ADAMTSL1: variants seen among roughly 807,000 people sequenced by gnomAD.
ADAMTSL1 encodes the protein ADAMTS like 1, also known as ADAMTS-like protein 1.
Under a neutral mutation model 201.8 loss-of-function variants are expected in ADAMTSL1, and 126 were observed. That is an observed-to-expected ratio of 0.62 (90% confidence interval 0.54 to 0.72). ADAMTSL1 has a LOEUF of 0.72. Among genes scored for constraint, ADAMTSL1 ranks in the 30% least tolerant of loss-of-function variants. The pLI, the probability that ADAMTSL1 is intolerant of heterozygous loss-of-function variation, is 0.00. For synonymous variants in ADAMTSL1, 1,121 were observed against 903.4 expected, an observed-to-expected ratio of 1.24 and a Z score of -4.32; for missense variants, 2,679 against 2,277.8, an observed-to-expected ratio of 1.18 and a Z score of -3.59.
At chr9:18,226,666 C>T (rs943589931) in intron 2 of ADAMTSL1, among the ~76,000 whole-genome samples, 5 of 152,080 alleles carry the variant, frequency 3.3e-5, no homozygotes, top group African/African-American at 1.2e-4. Context: ...GAGGCTCTCC[C>T]CATTCAGCCT....
chr9:18,552,592 C>G (rs1820854014), intron 3 of ADAMTSL1, among the ~76,000 whole-genome samples: 1 of 151,514 alleles, frequency 6.6e-6, no homozygotes, highest in Non-Finnish European at 1.5e-5. Context: ...TGTCCTAGTT[C>G]TTTAATAATT....
intron 1 of ADAMTSL1, among the ~76,000 whole-genome samples, chr9:17,999,605 C>CT (rs71492929): frequency 0.31 from 45,952 of 147,338 alleles, 7,180 homozygotes; most frequent in South Asian, 0.4. Context: ...TTTTCAGACA[C>CT]TTTTTTTTTT....
chr9:18,790,614 T>C (rs1312574785), intron 19 of ADAMTSL1, among the ~76,000 whole-genome samples: 2 of 152,152 alleles, frequency 1.3e-5, no homozygotes, highest in Non-Finnish European at 2.9e-5. Flanking sequence ...GTCCATATCT[T>C]ATTCTCATGC....
At chr9:18,268,862 T>C (rs1036603976) in intron 2 of ADAMTSL1, among the ~76,000 whole-genome samples, 21 of 152,148 alleles carry the variant, frequency 1.4e-4, no homozygotes, top group African/African-American at 4.8e-4. Context: ...GAGTTCTTTT[T>C]CTCCTGTTGT....
chr9:18,044,004 A>T (rs1375413305), intron 1 of ADAMTSL1, among the ~76,000 whole-genome samples: 1 of 147,188 alleles, frequency 6.8e-6, no homozygotes, highest in East Asian at 2.0e-4. Context: ...CTAGTATGTT[A>T]CTTTCTATCA....
At chr9:18,791,748 C>T (rs1207453984) in intron 19 of ADAMTSL1, among the ~76,000 whole-genome samples, 6 of 152,036 alleles carry the variant, frequency 3.9e-5, no homozygotes, top group Non-Finnish European at 8.8e-5. Context: ...GTTTCTCTAT[C>T]TATGTATATA....
intron 1 of ADAMTSL1, among the ~76,000 whole-genome samples, chr9:17,979,485 A>AGAGAG: frequency 6.6e-6 from 1 of 150,566 alleles, no homozygotes; most frequent in East Asian, 2.0e-4. Flanking sequence ...ATTACTCTCT[A>AGAGAG]TTGCATTGTT....
rs142105118 is a variant in ADAMTSL1, at chr9:18,360,732, G to A, written c.208-144097G>A. The A allele has an allele frequency of 2.6e-5, 4 of 152,162 alleles. No homozygotes were observed. The East Asian group carries it at 5.8e-4, about 22-fold the overall frequency. 9.4% of individuals were successfully genotyped at this position (152,162 alleles called of 1,614,324 possible). ...CACTGCACTTAATGAATATGTTTTTGAAATTTTAACATCTAACATGAAAAA... is the reference window on the plus strand; with the variant it reads ...CACTGCACTTAATGAATATGTTTTTAAAATTTTAACATCTAACATGAAAAA... On this transcript the variant is annotated intron_variant, in intron 2 of 29. Coordinates refer to the ADAMTSL1 transcript ENST00000680146.
intron 2 of ADAMTSL1, among the ~76,000 whole-genome samples, chr9:18,400,308 G>C (rs1261095791): frequency 1.3e-5 from 2 of 152,090 alleles, no homozygotes; most frequent in African/African-American, 4.8e-5. Flanking sequence ...TTCTTGGCAA[G>C]CATAGAAATA....
chr9:18,815,405 A>G (rs34859655), intron 20 of ADAMTSL1, among the ~76,000 whole-genome samples: 28,096 of 151,198 alleles, frequency 0.19, 3,264 homozygotes, highest in Non-Finnish European at 0.25. Flanking sequence ...AAGAATGAGG[A>G]CAGGCGTGGT....
At chr9:18,454,870 A>T (rs1173689449) in intron 2 of ADAMTSL1, among the ~76,000 whole-genome samples, 2 of 152,212 alleles carry the variant, frequency 1.3e-5, no homozygotes, top group Admixed American at 1.3e-4. Flanking sequence ...TTTATTTCAA[A>T]GGTACAAGTG....
chr9:18,588,185 A>G (rs1189269806), intron 4 of ADAMTSL1, among the ~76,000 whole-genome samples: 4 of 152,168 alleles, frequency 2.6e-5, no homozygotes, highest in African/African-American at 7.2e-5. Context: ...ATGATACATT[A>G]TTGTGGTTTT....
intron 15 of ADAMTSL1, among the ~76,000 whole-genome samples, chr9:18,727,174 T>A (rs1466086304): frequency 6.6e-6 from 1 of 152,236 alleles, no homozygotes; most frequent in African/African-American, 2.4e-5. Context: ...TTTAACACAA[T>A]CATATTTTAA....
intron 2 of ADAMTSL1, among the ~76,000 whole-genome samples, chr9:18,391,487 C>A (rs1838042475): frequency 1.3e-5 from 2 of 151,958 alleles, no homozygotes; most frequent in African/African-American, 4.8e-5. Context: ...GCTCTGTCAC[C>A]CAGGCTGGAG....
At chr9:18,695,661 G>A (rs1415362725) in intron 13 of ADAMTSL1, among the ~76,000 whole-genome samples, 2 of 152,122 alleles carry the variant, frequency 1.3e-5, no homozygotes, top group Non-Finnish European at 2.9e-5. Context: ...CTAGCATTTT[G>A]ATTACAACAA....
chr9:18,279,718 AT>A (rs960978338), intron 2 of ADAMTSL1, among the ~76,000 whole-genome samples: 6 of 152,038 alleles, frequency 3.9e-5, no homozygotes, highest in Non-Finnish European at 7.4e-5. Context: ...ATCTACACAG[AT>A]TTTTTTTCTT....
At chr9:18,001,816 G>A (rs1030892888) in intron 1 of ADAMTSL1, among the ~76,000 whole-genome samples, 1 of 152,008 alleles carries the variant, frequency 6.6e-6, no homozygotes, top group East Asian at 1.9e-4. Flanking sequence ...AGGATGAGGA[G>A]TAGGAATGCC....
chr9:18,483,545 C>G (rs566122861), intron 1 of ADAMTSL1, among the ~76,000 whole-genome samples: 80 of 152,260 alleles, frequency 5.3e-4, no homozygotes, highest in Middle Eastern at 3.4e-3. Context: ...ACTCAAAGAT[C>G]GGCGTGGCGC....
chr9:18,219,872 A>G (rs989255560), intron 2 of ADAMTSL1, among the ~76,000 whole-genome samples: 2 of 152,218 alleles, frequency 1.3e-5, no homozygotes, highest in East Asian at 3.8e-4. Context: ...TCTTGTATCT[A>G]GAAATCTTGC....
Sources: gnomAD v4.1 joint callset for allele counts (sites outside exome capture counted in the v4.1 genomes callset) on GRCh38, gnomAD v4.1.1 for gene constraint, MANE v1.5 for transcripts, NCBI Gene and HGNC (gene_info 2026-07-23, HGNC 2026-07-21) for gene names.